The following PIEZO2 variants were observed in gnomAD, a reference collection of about 807,000 sequenced individuals.
PIEZO2 encodes the protein piezo type mechanosensitive ion channel component 2.
In PIEZO2, 172 loss-of-function variants were observed where a neutral mutation model predicts 337.3. The ratio of observed to expected loss-of-function variants is 0.51; its 90% confidence interval spans 0.45 to 0.58. The LOEUF is 0.58. Ranked by LOEUF, PIEZO2 falls within the 20% of genes least tolerant of loss-of-function variation. PIEZO2 has a pLI of 0.00. For synonymous variants in PIEZO2, 1,251 were observed against 1,228.5 expected (o/e 1.02, Z -0.38); for missense variants, 3,028 against 3,391.3 (o/e 0.89, Z 2.66).
At chr18:10,718,981 A>C (rs1357410852) in intron 36 of PIEZO2, among the ~76,000 whole-genome samples, 3 of 118,288 alleles carry the variant, frequency 2.5e-5, no homozygotes, top group Non-Finnish European at 5.5e-5. Context: ...CTTGTCTAAA[A>C]TAAATAAATA....
intron 3 of PIEZO2, among the ~76,000 whole-genome samples, chr18:10,944,271 A>G (rs538964265): frequency 1.3e-5 from 2 of 152,218 alleles, no homozygotes; most frequent in African/African-American, 4.8e-5. Flanking sequence ...TACAACATGA[A>G]GGACAGAGTT....
chr18:10,821,098 C>T lies in PIEZO2; in HGVS notation c.918-13824G>A, dbSNP rs1414234318. On this transcript the variant is annotated intron_variant, in intron 7 of 55. Transcript: ENST00000674853. The surrounding 1 kb of genome is among the most constrained non-coding windows in gnomAD (Gnocchi z 4.2). ...TCTGGAGCTCTTTCTCTGTCTTTCT[C>T]CTCTCCATTACTCTGTGCCACAAAT... Among the ~76,000 whole-genome samples, 2 of 152,116 alleles carry T rather than the reference C, an allele frequency of 1.3e-5. No homozygotes were observed. Among genetic ancestry groups the T allele is most frequent in the African/African-American group, 4.8e-5 (2 of 41,432 alleles).
At position 11,016,783 on chromosome 18, in the gene PIEZO2, T is replaced by C. The variant is rs576867623; in HGVS notation, c.161-37123A>G. On this transcript the variant is annotated intron_variant, in intron 2 of 55. Coordinates refer to ENST00000674853, the MANE Select transcript of PIEZO2 (RefSeq NM_001378183.1). This position sits in a 1 kb window ranked among gnomAD's most constrained non-coding sequence, Gnocchi z 5.6. ...AGTTTTCATCCCCATACATGTGGAT[T>C]TGATATATTTATTTAGATTTTTCTT... Among the ~76,000 whole-genome samples the C allele has an allele frequency of 6.6e-6, 1 of 152,298 alleles. No individual in the cohort carries two copies. The highest frequency in any genetic ancestry group is 1.5e-5 in the Non-Finnish European group (1 of 68,012).
chr18:10,728,751 C>T (rs1448260241), intron 36 of PIEZO2, among the ~76,000 whole-genome samples: 3 of 151,560 alleles, frequency 2.0e-5, no homozygotes, highest in Non-Finnish European at 2.9e-5. Flanking sequence ...GTCAGAAGAT[C>T]GAGACCATCC....
chr18:10,698,022 AT>A, intron 44 of PIEZO2, 142 bp from the exon 45 acceptor site: 1 of 82,454 alleles, frequency 1.2e-5, no homozygotes, highest in Non-Finnish European at 1.6e-5. Flanking sequence ...CGGCCTTGGG[AT>A]TTGTCCTCAA....
intron 4 of PIEZO2, among the ~76,000 whole-genome samples, chr18:10,873,545 T>C (rs1442421492): frequency 6.6e-6 from 1 of 152,198 alleles, no homozygotes; most frequent in East Asian, 1.9e-4. Context: ...AGCTGATTTG[T>C]TCATTTAACA....
chr18:10,951,286 A>G (rs2033283964), intron 3 of PIEZO2, among the ~76,000 whole-genome samples: 1 of 152,174 alleles, frequency 6.6e-6, no homozygotes, highest in Non-Finnish European at 1.5e-5. Flanking sequence ...TTTGTTTCTC[A>G]GACATACCAA....
chr18:10,991,750 T>C (rs1229899115), intron 2 of PIEZO2, among the ~76,000 whole-genome samples: 1 of 152,192 alleles, frequency 6.6e-6, no homozygotes, highest in Admixed American at 6.5e-5. Context: ...TACCTAGTAA[T>C]GGGATTGCTG....
chr18:10,865,160 G>T (rs750390225), intron 5 of PIEZO2, among the ~76,000 whole-genome samples: 12 of 152,190 alleles, frequency 7.9e-5, no homozygotes, highest in Non-Finnish European at 1.0e-4. Context: ...AAAGCACAGG[G>T]TGAGGACATG....
In PIEZO2 at chr18:11,065,414, C is replaced by T. The variant is rs75199878; in HGVS notation, c.160+713G>A. On this transcript the variant is annotated intron_variant, in intron 2 of 55. Transcript: ENST00000674853. The stretch of plus-strand genomic sequence containing the variant: ...AAAAAAAGACAATTTACTAAATTAA[C>T]TCAGTGTGGTTTAATTTTAATACTT... Among the ~76,000 whole-genome samples the T allele has an allele frequency of 8.8e-3, 1,333 of 152,324 alleles. 13 individuals carry two copies. The highest frequency in any genetic ancestry group is 0.016 in the South Asian group (79 of 4,826).
chr18:11,103,743 C>T (rs1311865415), intron 1 of PIEZO2, among the ~76,000 whole-genome samples: 1 of 151,964 alleles, frequency 6.6e-6, no homozygotes, highest in African/African-American at 2.4e-5. Context: ...TTTCAACAAA[C>T]TTTAAAAGCA....
chr18:10,855,256 A>G lies in PIEZO2; in HGVS notation c.917+97T>C, dbSNP rs191723950. 1 of 1,112,544 alleles carries G rather than the reference A, an allele frequency of 9.0e-7. No homozygotes were observed. 68.9% of individuals were successfully genotyped at this position (1,112,544 alleles called of 1,614,324 possible). A position where few individuals can be genotyped will look rare whatever the true frequency, so the allele number is the denominator to read the frequency against. On this transcript the variant is annotated intron_variant, in intron 7 of 55. Coordinates refer to ENST00000674853, the MANE Select transcript of PIEZO2 (RefSeq NM_001378183.1). This position sits in a 1 kb window ranked among gnomAD's most constrained non-coding sequence, Gnocchi z 4.9. Reference sequence around the variant, plus strand: ...TTGCTTAACACAGCAATTGCCTGCCATCAAGAATAACCCCTGTAAATTCAC... The same window carrying G: ...TTGCTTAACACAGCAATTGCCTGCCGTCAAGAATAACCCCTGTAAATTCAC...
At chr18:10,992,697 C>T (rs1019255390) in intron 2 of PIEZO2, among the ~76,000 whole-genome samples, 3 of 152,078 alleles carry the variant, frequency 2.0e-5, no homozygotes, top group South Asian at 4.1e-4. Flanking sequence ...CTTAGGATTG[C>T]CTTGGCTATG....
chr18:10,729,101 C>T (rs1398378752), intron 36 of PIEZO2, among the ~76,000 whole-genome samples: 1 of 151,916 alleles, frequency 6.6e-6, no homozygotes, highest in Non-Finnish European at 1.5e-5. Flanking sequence ...TGGGTTGGGG[C>T]AGATTATACG....
At position 11,096,141 on chromosome 18, in the gene PIEZO2, C is replaced by T. The variant is rs1032760141; in HGVS notation, c.65-29919G>A. 4.8e-4 allele frequency among the ~76,000 whole-genome samples: 73 copies of T among 152,228 alleles called. No homozygotes were observed. The highest frequency in any genetic ancestry group is 6.8e-4 in the Non-Finnish European group (46 of 68,030). ...AGCCGGTCCACATGGAGCCCTCACT[C>T]TGTTGCCCAAGGTGGCTGAGACACC... On this transcript the variant is annotated intron_variant, in intron 1 of 55. Transcript: ENST00000674853. This position sits in a 1 kb window ranked among gnomAD's most constrained non-coding sequence, Gnocchi z 4.6.
chr18:10,916,141 G>C (rs1278718678), intron 3 of PIEZO2, among the ~76,000 whole-genome samples: 1 of 152,174 alleles, frequency 6.6e-6, no homozygotes, highest in Non-Finnish European at 1.5e-5. Flanking sequence ...CCTTGAGCTA[G>C]ACACTGTGCT....
Position 10,962,559 on chromosome 18 carries a change from A to T in PIEZO2, c.286+16976T>A, listed in dbSNP as rs1213203422. Reference sequence around the variant, plus strand: ...ATCAACAGTCCCATCACTTCAGGTGACTTTATTTCATGTTGCTCTAGACCA... The same window carrying T: ...ATCAACAGTCCCATCACTTCAGGTGTCTTTATTTCATGTTGCTCTAGACCA... On this transcript the variant is annotated intron_variant, in intron 3 of 55. Transcript: ENST00000674853. This position sits in a 1 kb window ranked among gnomAD's most constrained non-coding sequence, Gnocchi z 4.1. Among the ~76,000 whole-genome samples, 3 of 152,114 alleles carry T rather than the reference A, an allele frequency of 2.0e-5. No individual in the cohort carries two copies. Among genetic ancestry groups the T allele is most frequent in the Non-Finnish European group, 4.4e-5 (3 of 68,034 alleles).
chr18:10,817,952 A>G lies in PIEZO2; in HGVS notation c.918-10678T>C, dbSNP rs1156573207. Among the ~76,000 whole-genome samples, 7 of 151,904 alleles carry G rather than the reference A, an allele frequency of 4.6e-5. No individual in the cohort carries two copies. In the South Asian group the frequency reaches 1.2e-3, roughly 27 times the overall value. ...AAAAAAAAAAAAGTAGGACTTTACA[A>G]TGTTTCTAAGAAGACTATTACCTGA... is the stretch of plus-strand genomic sequence containing the variant. On this transcript the variant is annotated intron_variant, in intron 7 of 55. Coordinates refer to ENST00000674853, the MANE Select transcript of PIEZO2 (RefSeq NM_001378183.1).
At chr18:10,842,277 C>T (rs1341918193) in intron 7 of PIEZO2, among the ~76,000 whole-genome samples, 2 of 151,566 alleles carry the variant, frequency 1.3e-5, no homozygotes, top group Non-Finnish European at 2.9e-5. Context: ...GTACATTTAT[C>T]TGCTATAGTT....
Sources: gnomAD v4.1 joint callset for allele counts (sites outside exome capture counted in the v4.1 genomes callset) on GRCh38, gnomAD v4.1.1 for gene constraint, Gnocchi (gnomAD v3.1) non-coding constraint, MANE v1.5 for transcripts, NCBI Gene and HGNC (gene_info 2026-07-23, HGNC 2026-07-21) for gene names.